Variants in DNAH3 observed in about 807,000 individuals in gnomAD.
The protein encoded by DNAH3 is axonemal beta dynein heavy chain 3.
DNAH3 carries 332 observed loss-of-function variants against 432.5 expected under a neutral mutation model. The observed-to-expected ratio is 0.77, with a 90% CI of 0.70 to 0.84. DNAH3 has a LOEUF of 0.84. DNAH3 is among the 40% of genes least tolerant of loss of function. DNAH3 has a pLI of 0.00. For synonymous variants in DNAH3, 1,956 were observed against 1,900.2 expected (o/e 1.03, Z -0.76); for missense variants, 4,861 against 5,114.0 (o/e 0.95, Z 1.51).
intron 37 of DNAH3, among the ~76,000 whole-genome samples, chr16:21,028,216 A>G (rs971622038): frequency 6.6e-6 from 1 of 151,784 alleles, no homozygotes; most frequent in East Asian, 1.9e-4. Context: ...ATTTTTTAAA[A>G]TTTTTTTTGT....
chr16:20,942,665 G>A (rs576352777), intron 58 of DNAH3, among the ~76,000 whole-genome samples: 1 of 152,296 alleles, frequency 6.6e-6, no homozygotes, highest in East Asian at 1.9e-4. Flanking sequence ...TCAGGAGACG[G>A]TGGCTCTGGT....
chr16:21,140,550 C>A lies in DNAH3; in HGVS notation c.682G>T (p.Glu228Ter). 1 of 1,614,052 alleles carries A rather than the reference C, an allele frequency of 6.2e-7. No homozygotes were observed. The highest frequency in any genetic ancestry group is 1.7e-4 in the Middle Eastern group (1 of 6,056). Residue 228 changes from glutamate (E) to a stop codon, truncating the protein, a stop_gained, in exon 5 of 62, where the codon GAA becomes TAA. Transcript: ENST00000261383. LOFTEE classifies it high-confidence loss of function. ...CAGGAACGTACCTCCAGGTCCGATT[C>A]AGATGGCTTCTTTTCTTTACTTTCC... is the stretch of plus-strand genomic sequence containing the variant.
exon 50 of DNAH3, chr16:20,979,420 C>T (rs370011681): frequency 1.2e-6 from 2 of 1,614,144 alleles, no homozygotes; most frequent in Non-Finnish European, 1.7e-6. Context: ...TCAGGAGCGT[C>T]TTGAAGGTTA....
intron 31 of DNAH3, among the ~76,000 whole-genome samples, chr16:21,048,202 A>G (rs1308669339): frequency 6.6e-6 from 1 of 152,210 alleles, no homozygotes; most frequent in African/African-American, 2.4e-5. Flanking sequence ...GGTGGGCTCC[A>G]CCCAGTTCGA....
chr16:21,093,672 A>C (rs2091599199), intron 18 of DNAH3, among the ~76,000 whole-genome samples: 2 of 152,230 alleles, frequency 1.3e-5, no homozygotes, highest in Admixed American at 6.5e-5. Flanking sequence ...TGTGATTTTA[A>C]GACTTTCTAT....
chr16:21,136,680 G>A (rs1480008985), intron 5 of DNAH3, 167 bp from the exon 7 acceptor site: 7 of 642,380 alleles, frequency 1.1e-5, no homozygotes, highest in East Asian at 2.8e-5. Flanking sequence ...ATGGCAAGAA[G>A]ATCACTGGCA....
chr16:21,042,087 AGC>A lies in DNAH3; in HGVS notation c.4576_4577del (p.Ala1526CysfsTer14). The A allele has an allele frequency of 6.2e-7, 1 of 1,613,988 alleles. No individual in the cohort carries two copies. Among genetic ancestry groups the A allele is most frequent in the South Asian group, 1.1e-5 (1 of 91,036 alleles). The stretch of plus-strand genomic sequence containing the variant: ...ACCCGGGGTTCATGGTGATGAACAC[AGC>A]GCAGGTTGGGTTCAGAGAGAGCTCA... On this transcript the variant is annotated frameshift_variant, in exon 32 of 62. Transcript: ENST00000261383. LOFTEE classifies it high-confidence loss of function.
At position 21,067,757 on chromosome 16, in the gene DNAH3, T is replaced by TC. The variant is rs1555545790; in HGVS notation, c.3382-339_3382-338insG. 1.3e-4 allele frequency among the ~76,000 whole-genome samples: 4 copies of TC among 29,804 alleles called. No homozygotes were observed. The Admixed American group carries it at 1.8e-3, about 13-fold the overall frequency. 19.6% of individuals were successfully genotyped at this position (29,804 alleles called of 152,430 possible). On this transcript the variant is annotated intron_variant, in intron 23 of 61. Transcript: ENST00000261383. ...ACGGAGTGATAGAGAAAGCCAGTCT[T>TC]GGGGGGGGGGGTGGGGAGGGAGAGA...
intron 10 of DNAH3, chr16:21,120,998 C>G: frequency 1.4e-6 from 1 of 722,528 alleles, no homozygotes; most frequent in South Asian, 1.5e-5. Context: ...CTGTAAGTAC[C>G]AGATTGCAAA....
At chr16:21,090,546 T>C (rs2091502000) in intron 18 of DNAH3, among the ~76,000 whole-genome samples, 1 of 152,152 alleles carries the variant, frequency 6.6e-6, no homozygotes, top group South Asian at 2.1e-4. Context: ...TCAAACAATA[T>C]AATATACAGT....
At position 20,959,207 on chromosome 16, in the gene DNAH3, C is replaced by A. The variant is rs759520585; in HGVS notation, c.10798G>T (p.Val3600Phe). The A allele has an allele frequency of 2.5e-6, 4 of 1,614,218 alleles. No individual in the cohort carries two copies. The South Asian group carries it at 4.4e-5, about 18-fold the overall frequency. Reference sequence around the variant, plus strand: ...AATCTGGCATTGGTGCTCTCAGGAACAATCACCTCCTCACAAATCTTCTCC... The same window carrying A: ...AATCTGGCATTGGTGCTCTCAGGAAAAATCACCTCCTCACAAATCTTCTCC... The change falls in exon 54 of 62, where the codon GTT (valine) becomes TTT (phenylalanine). Residue 3600 changes from valine (V) to phenylalanine (F), a missense_variant. Coordinates refer to ENST00000261383, the Ensembl canonical transcript of DNAH3.
intron 2 of DNAH3, 139 bp from the exon 4 acceptor site, chr16:21,145,545 T>A: frequency 1.4e-6 from 1 of 715,054 alleles, no homozygotes. Context: ...GTGGAAAGAT[T>A]GTCTGAACAG....
intron 21 of DNAH3, 111 bp from the exon 22 acceptor site, chr16:21,070,937 T>C (rs557485251): frequency 2.2e-4 from 151 of 684,216 alleles, no homozygotes; most frequent in South Asian, 6.6e-4. Flanking sequence ...CAGGCCTGAG[T>C]GCAATGGCTC....
chr16:21,100,291 C>T (rs539197073), intron 16 of DNAH3, among the ~76,000 whole-genome samples: 5 of 152,306 alleles, frequency 3.3e-5, no homozygotes, highest in African/African-American at 7.2e-5. Flanking sequence ...AGGCTAGTCT[C>T]GAACTCCTGA....
intron 35 of DNAH3, among the ~76,000 whole-genome samples, chr16:21,035,467 G>A (rs2089122807): frequency 6.6e-6 from 1 of 152,080 alleles, no homozygotes; most frequent in Admixed American, 6.6e-5. Context: ...TTTGTAAATT[G>A]GTACTAAGCT....
chr16:21,006,455 T>G (rs768889224), intron 41 of DNAH3, among the ~76,000 whole-genome samples: 11 of 152,190 alleles, frequency 7.2e-5, no homozygotes, highest in Non-Finnish European at 1.6e-4. Flanking sequence ...ATATTAATAT[T>G]CACAGAGTTG....
intron 27 of DNAH3, among the ~76,000 whole-genome samples, chr16:21,054,845 C>G (rs2090077974): frequency 6.6e-6 from 1 of 152,082 alleles, no homozygotes; most frequent in African/African-American, 2.4e-5. Context: ...GTAGAGAATG[C>G]AACTGACTAC....
intron 1 of DNAH3, chr16:21,150,331 T>C (rs1379321647): frequency 2.2e-6 from 1 of 454,448 alleles, no homozygotes; most frequent in Non-Finnish European, 4.4e-6. Context: ...GTGTCCACTC[T>C]AATTGTAGCT....
At chr16:20,981,374 G>A (rs940619759) in intron 49 of DNAH3, among the ~76,000 whole-genome samples, 2 of 152,086 alleles carry the variant, frequency 1.3e-5, no homozygotes, top group African/African-American at 2.4e-5. Context: ...TACCCCAAAT[G>A]GAATTTAAGG....
Sources: allele counts gnomAD v4.1 joint callset (sites outside exome capture counted in the v4.1 genomes callset), GRCh38; gene constraint gnomAD v4.1.1; transcripts MANE v1.5; gene names NCBI Gene and HGNC (gene_info 2026-07-23, HGNC 2026-07-21).